CHL1: variants seen among roughly 807,000 people sequenced by gnomAD.
The protein encoded by CHL1 is neural cell adhesion molecule L1-like protein.
A neutral mutation model predicts 141.9 loss-of-function variants in CHL1; 96 were observed. The ratio of observed to expected loss-of-function variants is 0.68; its 90% CI spans 0.57 to 0.80. The LOEUF (loss-of-function observed/expected upper bound fraction) is 0.80. Ranked by LOEUF, CHL1 falls within the 30% of genes least tolerant of loss-of-function variation. The pLI, the probability that CHL1 is intolerant of heterozygous loss-of-function variation, is 0.00. For synonymous variants in CHL1, 613 were observed against 502.2 expected (o/e 1.22, Z -2.95); for missense variants, 1,820 against 1,457.2 (o/e 1.25, Z -4.05).
At chr3:226,371 A>G (rs1405552991) in intron 1 of CHL1, among the ~76,000 whole-genome samples, 1 of 53,950 alleles carries the variant, frequency 1.9e-5, no homozygotes, top group Non-Finnish European at 4.7e-5. Context: ...ATAATAGAAT[A>G]TTTTATATAT....
intron 9 of CHL1, among the ~76,000 whole-genome samples, chr3:345,158 A>G (rs1338853603): frequency 6.6e-6 from 1 of 152,168 alleles, no homozygotes; most frequent in Non-Finnish European, 1.5e-5. Flanking sequence ...GGAGGGGATG[A>G]TGATAACATT....
At chr3:338,026 C>A (rs531861262) in intron 5 of CHL1, among the ~76,000 whole-genome samples, 1 of 152,062 alleles carries the variant, frequency 6.6e-6, no homozygotes, top group Non-Finnish European at 1.5e-5. Flanking sequence ...TCCTCTCCAG[C>A]ACCTTTTTTT....
At chr3:215,819 T>C (rs1700272266) in intron 1 of CHL1, among the ~76,000 whole-genome samples, 1 of 152,158 alleles carries the variant, frequency 6.6e-6, no homozygotes, top group Non-Finnish European at 1.5e-5. Flanking sequence ...ACAACCTGAC[T>C]TTTGGGAAAG....
At chr3:240,314 A>G (rs548400589) in intron 1 of CHL1, among the ~76,000 whole-genome samples, 2 of 152,096 alleles carry the variant, frequency 1.3e-5, no homozygotes, top group South Asian at 4.1e-4. Context: ...TGGTACAGAG[A>G]TGTAGTTTTG....
intron 2 of CHL1, among the ~76,000 whole-genome samples, chr3:262,819 C>T (rs945302081): frequency 2.0e-5 from 3 of 152,198 alleles, no homozygotes; most frequent in African/African-American, 7.2e-5. Flanking sequence ...ATGTTTAAGA[C>T]ATGGGAGTTC....
intron 9 of CHL1, among the ~76,000 whole-genome samples, 176 bp downstream of exon 9, chr3:344,885 A>G (rs535996907): frequency 3.1e-4 from 47 of 152,312 alleles, no homozygotes; most frequent in Admixed American, 2.7e-3. Flanking sequence ...GGTACTTAAG[A>G]GGCTGAAGCA....
chr3:266,467 C>A (rs1284824721), intron 2 of CHL1, among the ~76,000 whole-genome samples: 1 of 152,122 alleles, frequency 6.6e-6, no homozygotes, highest in African/African-American at 2.4e-5. Flanking sequence ...ATTTAAGTTT[C>A]TTTGGAATTA....
intron 5 of CHL1, among the ~76,000 whole-genome samples, chr3:336,010 C>G (rs1701834084): frequency 6.6e-6 from 1 of 152,184 alleles, no homozygotes; most frequent in Non-Finnish European, 1.5e-5. Context: ...CAACATAAAT[C>G]AAATGAGTTA....
chr3:335,936 T>A (rs555172694), intron 5 of CHL1, among the ~76,000 whole-genome samples: 1 of 152,318 alleles, frequency 6.6e-6, no homozygotes, highest in South Asian at 2.1e-4. Context: ...GTAGCCAAGA[T>A]GTATTGAATA....
intron 2 of CHL1, among the ~76,000 whole-genome samples, chr3:278,371 C>T (rs560437136): frequency 6.6e-6 from 1 of 152,272 alleles, no homozygotes; most frequent in East Asian, 1.9e-4. Context: ...TAAGTGGCGG[C>T]TAATGTGGGA....
rs960824866 is a variant in CHL1 at position 360,296 on chromosome 3, C to G, written c.1178C>G (p.Ala393Gly). 11 of 1,613,624 alleles carry G rather than the reference C, an allele frequency of 6.8e-6. No individual in the cohort carries two copies. The highest frequency in any genetic ancestry group is 9.3e-6 in the Non-Finnish European group (11 of 1,179,746). ...TAATCTCTTTCAGATCATCCATTTG[C>G]TGGTGATGTTGTCTTCCCCAGGGAA... ...NGSPVDNHPF[A>G]GDVVFPREIS... Residue 393 changes from alanine to glycine, a missense_variant, in exon 12 of 28, where the codon GCT becomes GGT. Transcript: ENST00000256509.
chr3:304,795 T>C (rs763923181), intron 2 of CHL1, among the ~76,000 whole-genome samples: 5 of 152,198 alleles, frequency 3.3e-5, no homozygotes, highest in Non-Finnish European at 5.9e-5. Context: ...TTTGAATTTG[T>C]TTGCTGTTTC....
intron 1 of CHL1, among the ~76,000 whole-genome samples, chr3:215,107 A>G (rs1700206607): frequency 6.6e-6 from 1 of 152,204 alleles, no homozygotes; most frequent in Non-Finnish European, 1.5e-5. Context: ...ACTATGTTGA[A>G]GAGATTCCCA....
chr3:378,482 T>C (rs1706624248), intron 16 of CHL1, among the ~76,000 whole-genome samples: 1 of 152,200 alleles, frequency 6.6e-6, no homozygotes. Context: ...GTGTGCACAC[T>C]TCACTAGTAT....
chr3:259,320 A>ATGCGTGTGTG (rs1553599642), intron 2 of CHL1, among the ~76,000 whole-genome samples: 2 of 147,050 alleles, frequency 1.4e-5, no homozygotes, highest in African/African-American at 5.4e-5. Context: ...GTGTGTGTGC[A>ATGCGTGTGTG]TGCGTGTGTG....
chr3:214,805 G>A lies in CHL1; in HGVS notation c.-175+17742G>A, dbSNP rs1700176753. ...TCCTCATGTTATGAGAGAGTATAAAGCAATAGTTAGAGTGATGTGAAATAT... is the reference window on the plus strand; with the variant it reads ...TCCTCATGTTATGAGAGAGTATAAAACAATAGTTAGAGTGATGTGAAATAT... On this transcript the variant is annotated intron_variant, in intron 1 of 27. Transcript: ENST00000256509. 2.6e-5 allele frequency among the ~76,000 whole-genome samples: 4 copies of A among 152,114 alleles called. No homozygotes were observed. The South Asian group carries it at 6.2e-4, about 24-fold the overall frequency.
At chr3:330,071 A>T (rs190141505) in intron 5 of CHL1, among the ~76,000 whole-genome samples, 29 of 152,188 alleles carry the variant, frequency 1.9e-4, no homozygotes, top group African/African-American at 6.5e-4. Context: ...TGTAACTAAC[A>T]CGGCAAAATG....
In CHL1 at chr3:361,760, T is replaced by C; in HGVS notation, c.1368T>C (p.Ser456=). ...ATTACGCTACAGTGGTTGGGTACAG[T>C]GCTTTCTTACATTGCGAGTTCTTTG... The part of the protein sequence containing the change: ...GENYATVVGY[S]AFLHCEFFAS... Residue 456 remains serine, a synonymous_variant, in exon 13 of 28, where the codon AGT becomes AGC. Transcript: ENST00000256509. 6.2e-7 allele frequency: 1 copy of C among 1,613,716 alleles called. No individual in the cohort carries two copies. The highest frequency in any genetic ancestry group is 8.5e-7 in the Non-Finnish European group (1 of 1,179,658).
In CHL1 at chr3:354,790, T is replaced by C; in HGVS notation, c.1165+19T>C. On this transcript the variant is annotated intron_variant, in intron 11 of 27. Transcript: ENST00000256509. ...GTTGACAGTAAGTTTAAAAACCAATTGCAATGCAATGCTGAAGGCCCTGGT... is the reference window on the plus strand; with the variant it reads ...GTTGACAGTAAGTTTAAAAACCAATCGCAATGCAATGCTGAAGGCCCTGGT... 6.2e-7 allele frequency: 1 copy of C among 1,612,278 alleles called. No homozygotes were observed. The highest frequency in any genetic ancestry group is 8.5e-7 in the Non-Finnish European group (1 of 1,179,022).
Sources: allele counts gnomAD v4.1 joint callset (sites outside exome capture counted in the v4.1 genomes callset), GRCh38; gene constraint gnomAD v4.1.1; transcripts MANE v1.5; gene names NCBI Gene and HGNC (gene_info 2026-07-23, HGNC 2026-07-21).